The following ROR1 variants were observed in gnomAD, a reference collection of about 807,000 sequenced individuals.
ROR1 encodes ROR family WNT receptor 1.
Under a neutral mutation model 78.8 loss-of-function variants are expected in ROR1, and 19 were observed. The observed-to-expected ratio is 0.24, with a 90% CI of 0.17 to 0.35. ROR1 has a LOEUF of 0.35. Among genes scored for constraint, ROR1 ranks in the 10% least tolerant of loss-of-function variants. The pLI is 1.00. For synonymous variants in ROR1, 386 were observed against 433.6 expected (o/e 0.89, Z 1.36); for missense variants, 917 against 1,177.8 (o/e 0.78, Z 3.24).
At chr1:63,909,403 C>T (rs1645552657) in intron 1 of ROR1, among the ~76,000 whole-genome samples, 1 of 152,140 alleles carries the variant, frequency 6.6e-6, no homozygotes, top group African/African-American at 2.4e-5. Context: ...TTGATGTTAT[C>T]TTCAGATGCC....
At chr1:64,157,433 C>T (rs1475356415) in intron 7 of ROR1, among the ~76,000 whole-genome samples, 1 of 152,080 alleles carries the variant, frequency 6.6e-6, no homozygotes, top group East Asian at 1.9e-4. Flanking sequence ...CCCACTGCAC[C>T]CAGCCTAAAA....
chr1:63,886,087 G>A (rs369443462), intron 1 of ROR1, among the ~76,000 whole-genome samples: 1 of 152,124 alleles, frequency 6.6e-6, no homozygotes, highest in Non-Finnish European at 1.5e-5. Context: ...ATGCAACCTA[G>A]ATCCCTCGCA....
At chr1:63,893,264 C>T (rs911534180) in intron 1 of ROR1, among the ~76,000 whole-genome samples, 11 of 152,016 alleles carry the variant, frequency 7.2e-5, no homozygotes, top group Non-Finnish European at 1.5e-4. Flanking sequence ...TTCCTGCTAC[C>T]CAGTGATGTC....
At chr1:64,109,634 C>T (rs1468389270) in intron 4 of ROR1, among the ~76,000 whole-genome samples, 1 of 152,150 alleles carries the variant, frequency 6.6e-6, no homozygotes, top group Non-Finnish European at 1.5e-5. Context: ...TTCAACCAAT[C>T]CTCGTGCATC....
intron 1 of ROR1, among the ~76,000 whole-genome samples, chr1:63,943,905 G>A (rs377485839): frequency 4.6e-5 from 7 of 152,122 alleles, no homozygotes; most frequent in East Asian, 1.9e-4. Context: ...TTATTCTTTC[G>A]TCTCTGTCTT....
intron 1 of ROR1, among the ~76,000 whole-genome samples, chr1:63,905,103 G>A (rs1391903375): frequency 1.3e-5 from 2 of 152,046 alleles, no homozygotes; most frequent in Admixed American, 6.6e-5. Flanking sequence ...AGTAGTGGAG[G>A]GGAGTTTGTC....
chr1:63,938,023 T>C (rs183266581), intron 1 of ROR1, among the ~76,000 whole-genome samples: 28 of 152,260 alleles, frequency 1.8e-4, no homozygotes, highest in African/African-American at 6.0e-4. Flanking sequence ...GTTTCCAGTC[T>C]CAGCTGAGAT....
chr1:64,014,711 G>T (rs1646502836), intron 2 of ROR1, among the ~76,000 whole-genome samples: 1 of 28,462 alleles, frequency 3.5e-5, no homozygotes, highest in African/African-American at 8.3e-5. Context: ...TGTGCTGACA[G>T]ACTATATATA....
chr1:64,159,503 A>C (rs1478985155), intron 8 of ROR1, among the ~76,000 whole-genome samples: 1 of 152,166 alleles, frequency 6.6e-6, no homozygotes, highest in Admixed American at 6.5e-5. Context: ...ATTTTTCAAA[A>C]TTTCAAAGAG....
At chr1:64,167,378 T>C (rs1354896027) in intron 8 of ROR1, among the ~76,000 whole-genome samples, 1 of 152,216 alleles carries the variant, frequency 6.6e-6, no homozygotes, top group Non-Finnish European at 1.5e-5. Context: ...GAAATGCTTC[T>C]GAAGTTAAAT....
At chr1:63,993,722 G>T (rs1007482560) in intron 1 of ROR1, among the ~76,000 whole-genome samples, 11 of 152,038 alleles carry the variant, frequency 7.2e-5, no homozygotes, top group African/African-American at 2.7e-4. Flanking sequence ...CAGCTGCATT[G>T]TATTTCATTG....
At chr1:64,002,300 A>G (rs1197181718) in intron 1 of ROR1, among the ~76,000 whole-genome samples, 1 of 151,798 alleles carries the variant, frequency 6.6e-6, no homozygotes, top group African/African-American at 2.4e-5. Context: ...CGCCCAGCTA[A>G]TTTTTGTATT....
chr1:63,954,415 G>C (rs182565269), intron 1 of ROR1, among the ~76,000 whole-genome samples: 23 of 152,328 alleles, frequency 1.5e-4, no homozygotes, highest in Non-Finnish European at 2.9e-4. Flanking sequence ...TATTCCAAGA[G>C]GCCTGATTCT....
At chr1:64,101,124 A>T (rs1328699702) in intron 4 of ROR1, among the ~76,000 whole-genome samples, 1 of 152,308 alleles carries the variant, frequency 6.6e-6, no homozygotes, top group Admixed American at 6.5e-5. Context: ...TTTTACTTTT[A>T]CCTTCTACAA....
chr1:63,965,074 T>G (rs548239377), intron 1 of ROR1, among the ~76,000 whole-genome samples: 1 of 152,354 alleles, frequency 6.6e-6, no homozygotes, highest in South Asian at 2.1e-4. Context: ...CTTTTAAATA[T>G]GGCATGCACT....
In ROR1 at chr1:64,060,537, T is replaced by C. The variant is rs1273751773; in HGVS notation, c.482+9821T>C. Among the ~76,000 whole-genome samples the C allele has an allele frequency of 3.3e-5, 5 of 152,196 alleles. No homozygotes were observed. The East Asian group carries it at 9.6e-4, about 29-fold the overall frequency. ...ATAGTGAAGAAGTGTAGCTGGGTGC[T>C]AGCCCAACTCAAGAAGTGATAATGT... On this transcript the variant is annotated intron_variant, in intron 4 of 8. Transcript: ENST00000371079.
chr1:64,062,404 C>T (rs1447410274), intron 4 of ROR1, among the ~76,000 whole-genome samples: 4 of 152,130 alleles, frequency 2.6e-5, no homozygotes, highest in Middle Eastern at 3.2e-3. Flanking sequence ...CTCCACCTCC[C>T]GGGTTCATGC....
intron 1 of ROR1, among the ~76,000 whole-genome samples, chr1:63,843,901 C>T (rs1336045426): frequency 3.3e-5 from 5 of 152,122 alleles, no homozygotes; most frequent in African/African-American, 1.2e-4. Context: ...CTGAAGTAGC[C>T]TCCTGAGACA....
At chr1:64,154,835 A>C (rs986609279) in intron 7 of ROR1, among the ~76,000 whole-genome samples, 2 of 152,206 alleles carry the variant, frequency 1.3e-5, no homozygotes, top group African/African-American at 4.8e-5. Flanking sequence ...TCAACATTCT[A>C]ATTTCCAGCC....
Sources: allele counts gnomAD v4.1 joint callset (sites outside exome capture counted in the v4.1 genomes callset), GRCh38; gene constraint gnomAD v4.1.1; transcripts MANE v1.5; gene names NCBI Gene and HGNC (gene_info 2026-07-23, HGNC 2026-07-21).